Variants in WARS2 observed in about 807,000 individuals in gnomAD.
The protein encoded by WARS2 is tryptophan--tRNA ligase, mitochondrial.
WARS2 carries 28 observed loss-of-function variants against 36.5 expected under a neutral mutation model. The observed-to-expected ratio is 0.77, with a 90% CI of 0.57 to 1.05. The LOEUF is 1.05. Ranked by LOEUF, WARS2 falls within the 50% of genes least tolerant of loss-of-function variation. WARS2 has a pLI of 0.00. For synonymous variants in WARS2, 174 were observed against 178.4 expected (o/e 0.98, Z 0.20); for missense variants, 435 against 456.8 (o/e 0.95, Z 0.44).
Position 119,032,979 on chromosome 1 carries a change from A to T in WARS2, c.1015T>A (p.Ser339Thr), listed in dbSNP as rs1332510652. 1 of 1,614,192 alleles carries T rather than the reference A, an allele frequency of 6.2e-7. No individual in the cohort carries two copies. The highest frequency in any genetic ancestry group is 2.2e-5 in the East Asian group (1 of 44,884). The change falls in exon 6 of 6, where the codon TCA (serine) becomes ACA (threonine). Residue 339 changes from serine (S) to threonine (T), a missense_variant. By Grantham distance (58) the Ser-to-Thr change is moderately conservative. Transcript: ENST00000235521. ...TATGCTAATTCTTTGGCTTTTGCTG[A>T]TCCAATTTGTAAAACCTTCTCTAAA... ...DHLEKVLQIG[S>T]AKAKELAYTV...
At chr1:119,102,715 G>A (rs1653961231) in intron 1 of WARS2, among the ~76,000 whole-genome samples, 1 of 151,934 alleles carries the variant, frequency 6.6e-6, no homozygotes, top group Non-Finnish European at 1.5e-5. Flanking sequence ...CTCTCTATAA[G>A]CTACCCCCTA....
intron 1 of WARS2, chr1:119,082,274 C>T (rs1652253581): frequency 1.0e-6 from 1 of 985,198 alleles, no homozygotes; most frequent in Non-Finnish European, 1.2e-6. Flanking sequence ...CCCCCACAGG[C>T]TTATTTAGGC....
chr1:119,140,247 T>C, intron 1 of WARS2: 1 of 288,730 alleles, frequency 3.5e-6, no homozygotes, highest in Non-Finnish European at 6.5e-6. Flanking sequence ...TCTGAAAACA[T>C]CACACGCGGG....
At chr1:119,048,851 G>A (rs1358785841) in intron 2 of WARS2, among the ~76,000 whole-genome samples, 2 of 152,100 alleles carry the variant, frequency 1.3e-5, no homozygotes, top group African/African-American at 4.8e-5. Flanking sequence ...ATTACCTGAC[G>A]TCAGGAGTTC....
intron 1 of WARS2, chr1:119,085,158 C>G: frequency 1.3e-6 from 1 of 794,092 alleles, no homozygotes; most frequent in South Asian, 1.3e-5. Flanking sequence ...TGAGCTCCGC[C>G]CTCTGTCCTT....
chr1:119,035,098 T>C (rs1237414336), intron 4 of WARS2, among the ~76,000 whole-genome samples: 1 of 152,250 alleles, frequency 6.6e-6, no homozygotes, highest in Non-Finnish European at 1.5e-5. Context: ...GACTTCATCA[T>C]GAGTTTAATC....
intron 1 of WARS2, among the ~76,000 whole-genome samples, chr1:119,111,709 A>C (rs1473467765): frequency 1.3e-5 from 2 of 152,136 alleles, no homozygotes; most frequent in African/African-American, 2.4e-5. Context: ...AGAGTTTTCC[A>C]TGCTGAGCCT....
At chr1:119,038,781 G>A (rs2794314) in intron 4 of WARS2, among the ~76,000 whole-genome samples, 44,773 of 151,996 alleles carry the variant, frequency 0.29, 7,241 homozygotes, top group African/African-American at 0.43. Flanking sequence ...CCCGGATTCA[G>A]GCAATTCTTG....
intron 1 of WARS2, among the ~76,000 whole-genome samples, chr1:119,083,961 A>G (rs776936412): frequency 4.2e-4 from 64 of 152,168 alleles, no homozygotes; most frequent in Non-Finnish European, 8.2e-4. Context: ...AAGAAGCACT[A>G]CAATTTTAAA....
At chr1:119,064,508 C>T (rs1650665787) in intron 2 of WARS2, 1 of 152,064 alleles carries the variant, frequency 6.6e-6, no homozygotes, top group Admixed American at 6.5e-5. Flanking sequence ...GGCTATGTCC[C>T]CACATAATCT....
At chr1:119,135,086 T>A (rs982640073) in intron 1 of WARS2, among the ~76,000 whole-genome samples, 1 of 152,218 alleles carries the variant, frequency 6.6e-6, no homozygotes, top group South Asian at 2.1e-4. Flanking sequence ...TTAAGATCAA[T>A]AGAATACTGT....
At chr1:119,085,255 G>A (rs1482198811) in intron 1 of WARS2, 20 of 897,264 alleles carry the variant, frequency 2.2e-5, no homozygotes, top group East Asian at 4.9e-5. Context: ...TCCCTCTCTC[G>A]GTTCTCTGCC....
At chr1:119,138,369 C>T (rs1656661436) in intron 1 of WARS2, among the ~76,000 whole-genome samples, 1 of 152,086 alleles carries the variant, frequency 6.6e-6, no homozygotes, top group South Asian at 2.1e-4. Context: ...GTATCTTCCT[C>T]AGAATCCTAA....
Position 119,045,642 on chromosome 1 carries a change from T to G in WARS2, c.369A>C (p.Leu123Phe), listed in dbSNP as rs1338241015. ...TGACCATGCAGGAAAGGATCCAACTTAATTGTGTGTGTTCAGACACCTAAA... is the reference window on the plus strand; with the variant it reads ...TGACCATGCAGGAAAGGATCCAACTGAATTGTGTGTGTTCAGACACCTAAA... ...QQSQVSEHTQLSWILSCMVRL... is the reference protein window; with the variant it reads ...QQSQVSEHTQFSWILSCMVRL... The change falls in exon 3 of 6, where the codon TTA becomes TTC. Residue 123 changes from leucine (L) to phenylalanine (F), a missense_variant. Physicochemically the swap from Leu to Phe is conservative, Grantham distance 22 (BLOSUM62 0). Coordinates refer to ENST00000235521, the MANE Select transcript of WARS2 (RefSeq NM_015836.4). 1.9e-6 allele frequency: 3 copies of G among 1,591,354 alleles called. No individual in the cohort carries two copies. Among genetic ancestry groups the G allele is most frequent in the Admixed American group, 3.4e-5 (2 of 58,854 alleles).
intron 2 of WARS2, among the ~76,000 whole-genome samples, chr1:119,049,557 AT>A (rs1451930263): frequency 1.3e-5 from 2 of 152,164 alleles, no homozygotes; most frequent in Non-Finnish European, 2.9e-5. Context: ...AGACTCATAT[AT>A]CCAGCTACCT....
intron 4 of WARS2, among the ~76,000 whole-genome samples, chr1:119,039,001 T>C: frequency 6.6e-6 from 1 of 152,210 alleles, no homozygotes; most frequent in Non-Finnish European, 1.5e-5. Flanking sequence ...CTTCTTATCC[T>C]CTTCCCAAAT....
At chr1:119,138,674 C>T (rs1164258331) in intron 1 of WARS2, among the ~76,000 whole-genome samples, 1 of 152,038 alleles carries the variant, frequency 6.6e-6, no homozygotes, top group African/African-American at 2.4e-5. Flanking sequence ...TATCTTTTCT[C>T]AGTCTTTCAA....
chr1:119,057,698 G>A (rs560286694), intron 2 of WARS2, among the ~76,000 whole-genome samples: 20 of 151,974 alleles, frequency 1.3e-4, no homozygotes, highest in Middle Eastern at 3.4e-3. Context: ...GCTGAGGCAG[G>A]AGGATTGTTT....
intron 1 of WARS2, among the ~76,000 whole-genome samples, chr1:119,115,732 T>C (rs587759822): frequency 2.0e-5 from 3 of 152,306 alleles, no homozygotes; most frequent in Non-Finnish European, 4.4e-5. Flanking sequence ...GGTAATCTGG[T>C]TCAAATCGAT....
Sources: allele counts gnomAD v4.1 joint callset (sites outside exome capture counted in the v4.1 genomes callset), GRCh38; gene constraint gnomAD v4.1.1; transcripts MANE v1.5; gene names NCBI Gene and HGNC (gene_info 2026-07-23, HGNC 2026-07-21).